The following CORIN variants were observed in gnomAD, a reference collection of about 807,000 sequenced individuals.
CORIN encodes the protein atrial natriuretic peptide-converting enzyme.
Under a neutral mutation model 125.3 loss-of-function variants are expected in CORIN, and 117 were observed. The ratio of observed to expected loss-of-function variants is 0.93; its 90% CI spans 0.80 to 1.09. The LOEUF (loss-of-function observed/expected upper bound fraction) is 1.09, where lower values mean the gene tolerates loss of function less well. Ranked by LOEUF, CORIN falls within the 50% of genes least tolerant of loss-of-function variation. The pLI, the probability that CORIN is intolerant of heterozygous loss-of-function variation, is 0.00. For missense variants in CORIN, 1,253 were observed against 1,306.7 expected (o/e 0.96, Z 0.63); for synonymous variants, 450 against 466.4 (o/e 0.96, Z 0.45).
At chr4:47,654,246 A>AT (rs937086495) in intron 12 of CORIN, among the ~76,000 whole-genome samples, 6 of 152,172 alleles carry the variant, frequency 3.9e-5, no homozygotes, top group East Asian at 1.9e-4. Context: ...TTTTAAAATG[A>AT]TTTTTTGGGG....
intron 5 of CORIN, among the ~76,000 whole-genome samples, chr4:47,695,556 C>T (rs565490411): frequency 1.5e-4 from 23 of 152,264 alleles, no homozygotes; most frequent in African/African-American, 5.5e-4. Context: ...ATTGATATCC[C>T]CTGTCTTGGC....
intron 4 of CORIN, among the ~76,000 whole-genome samples, chr4:47,755,431 A>C (rs1729092837): frequency 6.6e-6 from 1 of 152,152 alleles, no homozygotes; most frequent in Non-Finnish European, 1.5e-5. Flanking sequence ...CGCTATTCTC[A>C]TCAGTATCCT....
At chr4:47,693,925 C>T (rs1384556296) in intron 5 of CORIN, among the ~76,000 whole-genome samples, 1 of 152,096 alleles carries the variant, frequency 6.6e-6, no homozygotes, top group Non-Finnish European at 1.5e-5. Flanking sequence ...GCATCAAATG[C>T]CTTTTAAGTG....
chr4:47,649,624 C>A (rs73142015), intron 13 of CORIN, among the ~76,000 whole-genome samples: 10 of 152,220 alleles, frequency 6.6e-5, no homozygotes, highest in African/African-American at 2.4e-4. Context: ...ACTGGCCAAA[C>A]GTCACACAGC....
At chr4:47,818,693 C>T (rs1190844652) in intron 1 of CORIN, among the ~76,000 whole-genome samples, 1 of 151,838 alleles carries the variant, frequency 6.6e-6, no homozygotes, top group African/African-American at 2.4e-5. Flanking sequence ...GGCAACATGG[C>T]AAAAACTCGT....
chr4:47,719,808 A>C (rs1727265504), intron 5 of CORIN, among the ~76,000 whole-genome samples: 1 of 152,196 alleles, frequency 6.6e-6, no homozygotes, highest in Non-Finnish European at 1.5e-5. Context: ...AAAAAGTCAG[A>C]TCCCGTGGGG....
At chr4:47,658,429 A>T (rs1228010867) in intron 12 of CORIN, among the ~76,000 whole-genome samples, 1 of 152,234 alleles carries the variant, frequency 6.6e-6, no homozygotes, top group Non-Finnish European at 1.5e-5. Context: ...CTGCCAGTGG[A>T]TCTACCATTC....
chr4:47,750,637 G>A (rs1728857171), intron 4 of CORIN, among the ~76,000 whole-genome samples: 1 of 152,170 alleles, frequency 6.6e-6, no homozygotes, highest in Non-Finnish European at 1.5e-5. Flanking sequence ...TATGGGGAAG[G>A]CTGCTTGATA....
At chr4:47,599,395 G>A (rs1215421869) in intron 21 of CORIN, among the ~76,000 whole-genome samples, 2 of 152,102 alleles carry the variant, frequency 1.3e-5, no homozygotes, top group African/African-American at 4.8e-5. Context: ...TAGTACTTAA[G>A]AGCACTGTTG....
intron 5 of CORIN, among the ~76,000 whole-genome samples, chr4:47,729,152 T>C (rs1025950330): frequency 6.6e-6 from 1 of 152,158 alleles, no homozygotes; most frequent in Admixed American, 6.6e-5. Context: ...AGAAAAACAG[T>C]GGAAACTCAC....
intron 12 of CORIN, among the ~76,000 whole-genome samples, chr4:47,656,804 A>C (rs527629674): frequency 1.3e-5 from 2 of 152,354 alleles, no homozygotes; most frequent in Admixed American, 1.3e-4. Flanking sequence ...AAGAGAAAGA[A>C]ATAAAGGCCA....
chr4:47,662,086 A>C (rs1444578485), intron 11 of CORIN, among the ~76,000 whole-genome samples: 1 of 152,244 alleles, frequency 6.6e-6, no homozygotes, highest in East Asian at 1.9e-4. Context: ...ACTTTATTGC[A>C]GAAATAGGTC....
chr4:47,748,861 A>G (rs1468757257), intron 4 of CORIN, among the ~76,000 whole-genome samples: 1 of 152,206 alleles, frequency 6.6e-6, no homozygotes, highest in African/African-American at 2.4e-5. Flanking sequence ...TTATAAAAAT[A>G]GTACAGAAAA....
chr4:47,737,252 G>A (rs982136859), intron 5 of CORIN, among the ~76,000 whole-genome samples: 4 of 152,170 alleles, frequency 2.6e-5, no homozygotes, highest in African/African-American at 9.7e-5. Flanking sequence ...CCCCATATGT[G>A]CCTAGTGATC....
chr4:47,824,478 TTTTC>T (rs746269399), intron 1 of CORIN, among the ~76,000 whole-genome samples: 1 of 152,078 alleles, frequency 6.6e-6, no homozygotes, highest in Non-Finnish European at 1.5e-5. Flanking sequence ...TAGGAAAAGC[TTTTC>T]TTTCTTTCTT....
At chr4:47,804,735 GA>G (rs1385423886) in intron 2 of CORIN, among the ~76,000 whole-genome samples, 373 of 97,354 alleles carry the variant, frequency 3.8e-3, no homozygotes, top group East Asian at 9.3e-3. Context: ...GGGGGGTGGG[GA>G]GGGGGGGGGT....
intron 2 of CORIN, among the ~76,000 whole-genome samples, chr4:47,802,811 T>C (rs1255982057): frequency 6.6e-6 from 1 of 152,086 alleles, no homozygotes; most frequent in Non-Finnish European, 1.5e-5. Context: ...TGGGTAAGAC[T>C]CAGTGTTGTG....
At chr4:47,781,132 A>G (rs1730526533) in intron 3 of CORIN, among the ~76,000 whole-genome samples, 1 of 152,130 alleles carries the variant, frequency 6.6e-6, no homozygotes, top group Admixed American at 6.5e-5. Flanking sequence ...AAAGACAGAG[A>G]TTGGCAGAAT....
chr4:47,660,139 G>A (rs951171298), intron 12 of CORIN, among the ~76,000 whole-genome samples: 10 of 152,286 alleles, frequency 6.6e-5, no homozygotes, highest in Admixed American at 6.5e-4. Context: ...TTCATATGCA[G>A]AAGAATGAAA....
Sources: gnomAD v4.1 joint callset for allele counts (sites outside exome capture counted in the v4.1 genomes callset) on GRCh38, gnomAD v4.1.1 for gene constraint, MANE v1.5 for transcripts, NCBI Gene and HGNC (gene_info 2026-07-23, HGNC 2026-07-21) for gene names.